The following PBX3 variants were observed in gnomAD, a reference collection of about 807,000 sequenced individuals.
PBX3 encodes PBX homeobox 3, also known as pre-B-cell leukemia transcription factor 3.
In PBX3, 14 loss-of-function variants were observed where a neutral mutation model predicts 48.5. That is an observed-to-expected ratio of 0.29 (90% CI 0.19 to 0.45). The LOEUF is 0.45. Ranked by LOEUF, PBX3 falls within the 20% of genes least tolerant of loss-of-function variation. The pLI is 1.00. For missense variants in PBX3, 386 were observed against 546.7 expected, an observed-to-expected ratio of 0.71 and a Z score of 2.93; for synonymous variants, 210 against 200.3, an observed-to-expected ratio of 1.05 and a Z score of -0.41.
In PBX3 at chr9:125,759,024, C is replaced by G; in HGVS notation, c.274+10401C>G. 6.6e-6 allele frequency among the ~76,000 whole-genome samples: 1 copy of G among 152,238 alleles called. No individual in the cohort carries two copies. Among genetic ancestry groups the G allele is most frequent in the Middle Eastern group, 3.4e-3 (1 of 294 alleles). ...ATCCCATAGTGAGTGACACCCCAGG[C>G]TGTCTTTGCTTCAGAGGTGGCAGCA... is the stretch of plus-strand genomic sequence containing the variant. On this transcript the variant is annotated intron_variant, in intron 2 of 8. Coordinates refer to ENST00000373489, the MANE Select transcript of PBX3 (RefSeq NM_006195.6). The surrounding 1 kb of genome is among the most constrained non-coding windows in gnomAD (Gnocchi z 4.2).
chr9:125,938,987 G>A (rs901600287), intron 5 of PBX3, among the ~76,000 whole-genome samples: 1 of 151,814 alleles, frequency 6.6e-6, no homozygotes. Flanking sequence ...GTATATGTGT[G>A]TGTGTGTGTA....
At chr9:125,953,494 G>T (rs1386414983) in intron 5 of PBX3, among the ~76,000 whole-genome samples, 1 of 151,380 alleles carries the variant, frequency 6.6e-6, no homozygotes, top group Non-Finnish European at 1.5e-5. Flanking sequence ...AAAAAAGTAG[G>T]ACTGTGGTGG....
intron 2 of PBX3, among the ~76,000 whole-genome samples, chr9:125,782,533 C>G (rs1475789623): frequency 6.6e-6 from 1 of 152,144 alleles, no homozygotes; most frequent in Non-Finnish European, 1.5e-5. Context: ...TTAAAATAGC[C>G]ATAATTGTTT....
chr9:125,959,759 A>G (rs1194985226), intron 5 of PBX3, among the ~76,000 whole-genome samples: 1 of 152,228 alleles, frequency 6.6e-6, no homozygotes, highest in Non-Finnish European at 1.5e-5. Flanking sequence ...AAATTATTGA[A>G]AAGTATTTTT....
At chr9:125,897,681 G>T (rs149795391) in intron 2 of PBX3, among the ~76,000 whole-genome samples, 67 of 151,876 alleles carry the variant, frequency 4.4e-4, no homozygotes, top group Non-Finnish European at 7.8e-4. Flanking sequence ...CTATTTGAGG[G>T]CATCTGATTT....
intron 2 of PBX3, among the ~76,000 whole-genome samples, chr9:125,896,629 AATC>A (rs1202309605): frequency 6.6e-6 from 1 of 152,066 alleles, no homozygotes; most frequent in East Asian, 1.9e-4. Context: ...GTATATAAGT[AATC>A]ATTTATTGTT....
intron 5 of PBX3, among the ~76,000 whole-genome samples, chr9:125,957,192 A>G (rs764102416): frequency 3.9e-5 from 6 of 152,170 alleles, no homozygotes; most frequent in Non-Finnish European, 8.8e-5. Flanking sequence ...ATTCATTTAG[A>G]TGTGGTTATG....
intron 2 of PBX3, among the ~76,000 whole-genome samples, chr9:125,795,554 T>C (rs936959974): frequency 4.6e-5 from 7 of 152,178 alleles, no homozygotes; most frequent in African/African-American, 7.2e-5. Flanking sequence ...TCAACAATCA[T>C]ATACAACATG....
chr9:125,842,544 C>G (rs1839316934), intron 2 of PBX3, among the ~76,000 whole-genome samples: 1 of 152,074 alleles, frequency 6.6e-6, no homozygotes. Context: ...CTTGAGGCAC[C>G]TTTCAGAGTG....
intron 2 of PBX3, among the ~76,000 whole-genome samples, chr9:125,862,605 T>A (rs1021293455): frequency 2.0e-5 from 3 of 152,104 alleles, no homozygotes; most frequent in Admixed American, 2.0e-4. Flanking sequence ...CAGGATGATC[T>A]CGATCTCCTG....
chr9:125,765,726 T>C (rs1836786622), intron 2 of PBX3, among the ~76,000 whole-genome samples: 1 of 152,216 alleles, frequency 6.6e-6, no homozygotes, highest in South Asian at 2.1e-4. Context: ...TTCCCAATTA[T>C]CACTATTTTT....
At chr9:125,826,304 A>G (rs1274418332) in intron 2 of PBX3, among the ~76,000 whole-genome samples, 1 of 152,144 alleles carries the variant, frequency 6.6e-6, no homozygotes, top group Non-Finnish European at 1.5e-5. Flanking sequence ...CTATTCTCAT[A>G]TCTTGATTAT....
chr9:125,925,214 A>G (rs1424093000), intron 3 of PBX3, among the ~76,000 whole-genome samples: 4 of 152,208 alleles, frequency 2.6e-5, no homozygotes, highest in Admixed American at 2.6e-4. Flanking sequence ...AAAATATATC[A>G]AAGATTACCT....
chr9:125,816,607 C>T (rs959884296), intron 2 of PBX3, among the ~76,000 whole-genome samples: 2 of 152,124 alleles, frequency 1.3e-5, no homozygotes, highest in Non-Finnish European at 2.9e-5. Context: ...TGGTCACTTG[C>T]CTGAGTAAGT....
chr9:125,918,019 G>A (rs769001829), intron 3 of PBX3, among the ~76,000 whole-genome samples: 10 of 152,078 alleles, frequency 6.6e-5, no homozygotes, highest in Non-Finnish European at 8.8e-5. Flanking sequence ...AGTAGAAAAT[G>A]ACTCTTATTT....
At chr9:125,891,285 T>G (rs1840635387) in intron 2 of PBX3, among the ~76,000 whole-genome samples, 1 of 152,218 alleles carries the variant, frequency 6.6e-6, no homozygotes, top group Non-Finnish European at 1.5e-5. Context: ...TACTTACAAT[T>G]TATTATTATA....
intron 2 of PBX3, among the ~76,000 whole-genome samples, chr9:125,868,031 AC>A (rs1373264330): frequency 6.6e-6 from 1 of 152,054 alleles, no homozygotes; most frequent in Non-Finnish European, 1.5e-5. Context: ...GTATGCCTCC[AC>A]GCCTGGTAAT....
At chr9:125,951,047 A>G (rs1379681321) in intron 5 of PBX3, among the ~76,000 whole-genome samples, 1 of 152,228 alleles carries the variant, frequency 6.6e-6, no homozygotes, top group Non-Finnish European at 1.5e-5. Context: ...AGTTACATAA[A>G]CTTTCTGACC....
At chr9:125,880,024 G>A (rs1840344909) in intron 2 of PBX3, among the ~76,000 whole-genome samples, 1 of 152,126 alleles carries the variant, frequency 6.6e-6, no homozygotes, top group Non-Finnish European at 1.5e-5. Flanking sequence ...AATAATAGTA[G>A]CTGTTGTTGA....
Sources: allele counts gnomAD v4.1 joint callset (sites outside exome capture counted in the v4.1 genomes callset), GRCh38; gene constraint gnomAD v4.1.1; non-coding constraint Gnocchi (gnomAD v3.1); transcripts MANE v1.5; gene names NCBI Gene and HGNC (gene_info 2026-07-23, HGNC 2026-07-21).